Variants in CACNA1E observed in about 807,000 individuals in gnomAD.
The protein encoded by CACNA1E is voltage-dependent R-type calcium channel subunit alpha-1E.
Under a neutral mutation model 259.2 loss-of-function variants are expected in CACNA1E, and 40 were observed. The ratio of observed to expected loss-of-function variants is 0.15; its 90% CI spans 0.12 to 0.20. The LOEUF is 0.20. Among genes scored for constraint, CACNA1E ranks in the 10% least tolerant of loss-of-function variants. CACNA1E has a pLI of 1.00. For synonymous variants in CACNA1E, 1,104 were observed against 1,138.5 expected (o/e 0.97, Z 0.61); for missense variants, 1,874 against 3,040.1 (o/e 0.62, Z 9.02).
chr1:181,509,875 C>A (rs925158775), intron 1 of CACNA1E, among the ~76,000 whole-genome samples: 4 of 152,224 alleles, frequency 2.6e-5, no homozygotes, highest in Non-Finnish European at 5.9e-5. Context: ...CTCCTTCCCC[C>A]AGAAGTACAT....
chr1:181,582,512 G>A (rs1370836462), intron 6 of CACNA1E, among the ~76,000 whole-genome samples: 6 of 152,122 alleles, frequency 3.9e-5, no homozygotes, highest in Non-Finnish European at 8.8e-5. Context: ...TGTGATAAAT[G>A]CATTGAAAGC....
intron 1 of CACNA1E, among the ~76,000 whole-genome samples, chr1:181,400,312 T>C (rs2102078401): frequency 6.6e-6 from 1 of 152,336 alleles, no homozygotes; most frequent in Non-Finnish European, 1.5e-5. Context: ...TTCTTTTGAT[T>C]ATATATATCA....
intron 3 of CACNA1E, among the ~76,000 whole-genome samples, chr1:181,543,013 C>T (rs1469249671): frequency 6.6e-6 from 1 of 150,898 alleles, no homozygotes; most frequent in Non-Finnish European, 1.5e-5. Context: ...CCATTGTTTC[C>T]TAAACTCATA....
chr1:181,580,195 A>G (rs1276062521), intron 5 of CACNA1E, among the ~76,000 whole-genome samples: 1 of 152,202 alleles, frequency 6.6e-6, no homozygotes, highest in African/African-American at 2.4e-5. Flanking sequence ...ACCATAGTTT[A>G]TAACTGTCCC....
chr1:181,755,228 T>C lies in CACNA1E; in HGVS notation c.3829-9T>C. 6.2e-7 allele frequency: 1 copy of C among 1,611,840 alleles called. No homozygotes were observed. The highest frequency in any genetic ancestry group is 1.1e-5 in the South Asian group (1 of 90,558). On this transcript the variant is annotated splice_polypyrimidine_tract_variant and intron_variant, in intron 27 of 47. Transcript: ENST00000367573. Reference sequence around the variant, plus strand: ...GTTCACACAGCAGGGCTGTTTGCTCTGTCCACAGGCCGTCTTCGACTGCGT... The same window carrying C: ...GTTCACACAGCAGGGCTGTTTGCTCCGTCCACAGGCCGTCTTCGACTGCGT...
chr1:181,510,925 A>G (rs894204146), intron 2 of CACNA1E, among the ~76,000 whole-genome samples: 1 of 152,242 alleles, frequency 6.6e-6, no homozygotes, highest in Non-Finnish European at 1.5e-5. Context: ...ATTTGTGGTT[A>G]TGAACTTCCC....
chr1:181,354,525 A>G (rs1375821287), intron 1 of CACNA1E, among the ~76,000 whole-genome samples: 2 of 152,164 alleles, frequency 1.3e-5, no homozygotes, highest in African/African-American at 4.8e-5. Context: ...TGTTAGAATC[A>G]ATACCTTCTG....
intron 1 of CACNA1E, among the ~76,000 whole-genome samples, chr1:181,386,123 A>G (rs1168261757): frequency 1.3e-5 from 2 of 152,184 alleles, no homozygotes; most frequent in Non-Finnish European, 2.9e-5. Context: ...GAGCCAGGCA[A>G]TGTTCTAGGC....
chr1:181,771,607 A>T, intron 36 of CACNA1E: 1 of 530,834 alleles, frequency 1.9e-6, no homozygotes, highest in South Asian at 3.0e-5. Context: ...ATCTTGTCTG[A>T]TCTTGGAAGC....
intron 7 of CACNA1E, among the ~76,000 whole-genome samples, chr1:181,680,424 A>G (rs140836157): frequency 6.6e-6 from 1 of 152,276 alleles, no homozygotes; most frequent in Non-Finnish European, 1.5e-5. Context: ...TGATGTGACA[A>G]CCACATGGGC....
intron 7 of CACNA1E, among the ~76,000 whole-genome samples, chr1:181,684,241 A>G (rs1650285448): frequency 6.6e-6 from 1 of 152,114 alleles, no homozygotes; most frequent in Non-Finnish European, 1.5e-5. Context: ...AGTGATGTTG[A>G]ACATTTTTTC....
rs1426779760 is a variant in CACNA1E, at chr1:181,801,261, C to T, written c.*2427C>T. 2 of 152,634 alleles carry T rather than the reference C, an allele frequency of 1.3e-5. No homozygotes were observed. The highest frequency in any genetic ancestry group is 1.5e-5 in the Non-Finnish European group (1 of 68,046). The allele number at this position is 152,634 out of a possible 1,614,324, so 9.5% of individuals were successfully genotyped here. A position where few individuals can be genotyped will look rare whatever the true frequency, so the allele number is the denominator to read the frequency against. ...ATTTTAGTGACACCTTATGCCATTT[C>T]AAGAGGAGAAATGCAGGCTGGCAGA... On this transcript the variant is annotated 3_prime_UTR_variant, in exon 48 of 48. Transcript: ENST00000367573.
Position 181,798,756 on chromosome 1 carries a change from C to G in CACNA1E, c.6864C>G (p.Arg2288=), listed in dbSNP as rs768838447. 3 of 1,601,810 alleles carry G rather than the reference C, an allele frequency of 1.9e-6. No individual in the cohort carries two copies. Among genetic ancestry groups the G allele is most frequent in the Non-Finnish European group, 2.6e-6 (3 of 1,174,044 alleles). ...MPNGHYRRRR[R]GGPGPGMMCG... Reference sequence around the variant, plus strand: ...ACGGGCACTATCGGCGGCGGAGGCGCGGGGGGCCTGGGCCAGGCATGATGT... The same window carrying G: ...ACGGGCACTATCGGCGGCGGAGGCGGGGGGGGCCTGGGCCAGGCATGATGT... The change falls in exon 48 of 48, where the codon CGC becomes CGG. Residue 2288 remains arginine, a synonymous_variant. Transcript: ENST00000367573. This position sits in a 1 kb window ranked among gnomAD's most constrained non-coding sequence, Gnocchi z 4.2.
chr1:181,591,861 G>C (rs144755378), intron 6 of CACNA1E, among the ~76,000 whole-genome samples: 163 of 152,300 alleles, frequency 1.1e-3, no homozygotes, highest in African/African-American at 3.6e-3. Flanking sequence ...CACATGTCTG[G>C]CACATAGCAC....
At chr1:181,598,621 A>T (rs143012738) in intron 6 of CACNA1E, among the ~76,000 whole-genome samples, 3 of 152,212 alleles carry the variant, frequency 2.0e-5, no homozygotes, top group African/African-American at 7.2e-5. Context: ...AGTTCCTTCT[A>T]TCAGGGAAAT....
intron 1 of CACNA1E, among the ~76,000 whole-genome samples, chr1:181,366,047 A>T (rs560795812): frequency 1.1e-3 from 163 of 152,228 alleles, no homozygotes; most frequent in African/African-American, 3.7e-3. Context: ...CTGACTCTAC[A>T]TCTGTGGGCT....
intron 7 of CACNA1E, among the ~76,000 whole-genome samples, chr1:181,699,775 C>T (rs1204910920): frequency 6.6e-6 from 1 of 152,040 alleles, no homozygotes; most frequent in East Asian, 1.9e-4. Context: ...CCAGGAATTG[C>T]TTATGGATTG....
chr1:181,489,741 T>C (rs2102499541), intron 1 of CACNA1E, among the ~76,000 whole-genome samples: 1 of 152,192 alleles, frequency 6.6e-6, no homozygotes, highest in East Asian at 1.9e-4. Flanking sequence ...ACCATTTCTT[T>C]TCAAATTCCA....
At chr1:181,510,637 C>G in intron 2 of CACNA1E, 55 bp downstream of exon 2, 1 of 1,137,702 alleles carries the variant, frequency 8.8e-7, no homozygotes. Context: ...TTGGTTTCTT[C>G]TCCTCTGCTT....
Sources: allele counts gnomAD v4.1 joint callset (sites outside exome capture counted in the v4.1 genomes callset), GRCh38; gene constraint gnomAD v4.1.1; non-coding constraint Gnocchi (gnomAD v3.1); transcripts MANE v1.5; gene names NCBI Gene and HGNC (gene_info 2026-07-23, HGNC 2026-07-21).